Variants in STK3 observed in about 807,000 individuals in gnomAD.
STK3 encodes serine/threonine-protein kinase 3.
In STK3, 41 loss-of-function variants were observed where a neutral mutation model predicts 58.0. The ratio of observed to expected loss-of-function variants is 0.71; its 90% CI spans 0.55 to 0.92. The LOEUF is 0.92. Ranked by LOEUF, STK3 falls within the 40% of genes least tolerant of loss-of-function variation. The probability of loss-of-function intolerance (pLI) is 0.00; values close to 1 mark genes in which losing one functional copy is unlikely to be tolerated. For missense variants in STK3, 479 were observed against 602.7 expected (o/e 0.79, Z 2.15); for synonymous variants, 170 against 191.0 (o/e 0.89, Z 0.91).
At chr8:98,827,950 C>T (rs1342742727), upstream of STK3, among the ~76,000 whole-genome samples, 1 of 151,656 alleles carries the variant, frequency 6.6e-6, no homozygotes, top group Non-Finnish European at 1.5e-5. Flanking sequence ...TCTAACCCCC[C>T]CAACTCTCAT....
At chr8:98,845,293 CAT>C (rs1453108264) in intron 3 of STK3, among the ~76,000 whole-genome samples, 26 of 152,120 alleles carry the variant, frequency 1.7e-4, no homozygotes, top group African/African-American at 5.8e-4. Context: ...GATTTTGTTA[CAT>C]GTCAGCAGTT....
At chr8:98,711,892 G>A (rs943971884) in intron 4 of STK3, among the ~76,000 whole-genome samples, 1 of 152,078 alleles carries the variant, frequency 6.6e-6, no homozygotes. Context: ...GAGAAAGGTC[G>A]GGTTACCCAC....
chr8:98,904,975 C>T, intron 1 of STK3: 1 of 732,406 alleles, frequency 1.4e-6, no homozygotes, highest in South Asian at 1.3e-5. Context: ...GCTACTGCCT[C>T]GTAAGAGCAG....
intron 6 of STK3, among the ~76,000 whole-genome samples, chr8:98,653,538 T>C (rs200195913): frequency 3.9e-4 from 59 of 152,072 alleles, no homozygotes; most frequent in Non-Finnish European, 5.9e-4. Flanking sequence ...ATTAATGAAT[T>C]CAGGAGCTGG....
chr8:98,483,031 G>A (rs1049496415), intron 10 of STK3, among the ~76,000 whole-genome samples: 2 of 152,060 alleles, frequency 1.3e-5, no homozygotes, highest in African/African-American at 4.8e-5. Context: ...GGGTTTAAAG[G>A]AATAGACAGA....
chr8:98,899,887 T>A (rs547009440), intron 1 of STK3, among the ~76,000 whole-genome samples: 1 of 152,218 alleles, frequency 6.6e-6, no homozygotes, highest in African/African-American at 2.4e-5. Flanking sequence ...TCCTCATTTA[T>A]AGAATAGCTA....
intron 6 of STK3, among the ~76,000 whole-genome samples, chr8:98,694,066 C>A (rs1824635519): frequency 6.6e-6 from 1 of 152,052 alleles, no homozygotes; most frequent in African/African-American, 2.4e-5. Flanking sequence ...TTTTGATATG[C>A]ACTATAAAGA....
intron 1 of STK3, among the ~76,000 whole-genome samples, chr8:98,898,753 G>GATCCA (rs1838549092): frequency 6.6e-6 from 1 of 152,132 alleles, no homozygotes; most frequent in Non-Finnish European, 1.5e-5. Flanking sequence ...GACTTTTTGG[G>GATCCA]ATCCAGAGAT....
At chr8:98,706,440 AT>A (rs1563912616) in intron 6 of STK3, 26 bp downstream of exon 6, 2 of 1,592,806 alleles carry the variant, frequency 1.3e-6, no homozygotes, top group Admixed American at 1.8e-5. Context: ...TAAGGCTAAC[AT>A]TTTCAGCAAA....
chr8:98,472,906 T>C (rs1821030090), intron 10 of STK3, among the ~76,000 whole-genome samples: 1 of 152,116 alleles, frequency 6.6e-6, no homozygotes, highest in Non-Finnish European at 1.5e-5. Flanking sequence ...TGAGAACAAG[T>C]ATGGATCATA....
chr8:98,584,420 ACATGAACT>A (rs778017669), intron 7 of STK3, among the ~76,000 whole-genome samples: 174 of 152,060 alleles, frequency 1.1e-3, no homozygotes, highest in Non-Finnish European at 1.4e-3. Context: ...CCTACAAAGG[ACATGAACT>A]CATCATTTTT....
At chr8:98,393,034 G>C (rs550319505), upstream of STK3, among the ~76,000 whole-genome samples, 10 of 152,238 alleles carry the variant, frequency 6.6e-5, no homozygotes, top group Non-Finnish European at 7.4e-5. Flanking sequence ...TCTCTCTGAG[G>C]GGGAGTCCAC....
At chr8:98,941,699 T>C (rs1840438840) in intron 1 of STK3, among the ~76,000 whole-genome samples, 1 of 152,100 alleles carries the variant, frequency 6.6e-6, no homozygotes, top group South Asian at 2.1e-4. Flanking sequence ...GCGCGCCCCC[T>C]CCTCCTCCAC....
chr8:98,609,606 A>G (rs1267544303), intron 6 of STK3, among the ~76,000 whole-genome samples: 1 of 152,226 alleles, frequency 6.6e-6, no homozygotes, highest in Non-Finnish European at 1.5e-5. Flanking sequence ...AATAGATTGA[A>G]AAATAAAGCT....
intron 4 of STK3, among the ~76,000 whole-genome samples, chr8:98,720,856 T>A (rs1827360911): frequency 1.3e-5 from 2 of 152,066 alleles, no homozygotes; most frequent in African/African-American, 4.8e-5. Context: ...TTAGAACAGT[T>A]GCCAACCACA....
chr8:98,450,621 A>G (rs1183686836), downstream of STK3, among the ~76,000 whole-genome samples: 2 of 152,234 alleles, frequency 1.3e-5, no homozygotes, highest in East Asian at 1.9e-4. Context: ...AATATAATAC[A>G]TTATCATTTA....
In STK3 at chr8:98,428,832, C is replaced by A; in HGVS notation, n.483+5295G>T. The A allele has an allele frequency of 1.9e-6, 3 of 1,614,174 alleles. No homozygotes were observed. Among genetic ancestry groups the A allele is most frequent in the Non-Finnish European group, 2.5e-6 (3 of 1,180,042 alleles). On this transcript the variant is annotated intron_variant and non_coding_transcript_variant, in intron 3 of 3. Transcript: ENST00000517832. The surrounding 1 kb of genome is among the most constrained non-coding windows in gnomAD (Gnocchi z 6.7). ...GGTGAACCTGGTGGTGGAGAGCACA[C>A]CTACTTTAGCCAACTTGGGCAGGGT...
At chr8:98,669,274 C>T (rs752737651) in intron 6 of STK3, among the ~76,000 whole-genome samples, 9 of 152,072 alleles carry the variant, frequency 5.9e-5, no homozygotes, top group Non-Finnish European at 1.0e-4. Context: ...GGATTACAGG[C>T]GTGAGCCACT....
At chr8:98,729,819 T>A (rs1296178973) in intron 4 of STK3, among the ~76,000 whole-genome samples, 3 of 152,240 alleles carry the variant, frequency 2.0e-5, no homozygotes, top group Non-Finnish European at 4.4e-5. Flanking sequence ...AGAGGTAGTA[T>A]GTAGCAGAGC....
Sources: allele counts gnomAD v4.1 joint callset (sites outside exome capture counted in the v4.1 genomes callset), GRCh38; gene constraint gnomAD v4.1.1; non-coding constraint Gnocchi (gnomAD v3.1); transcripts MANE v1.5; gene names NCBI Gene and HGNC (gene_info 2026-07-23, HGNC 2026-07-21).